GRM7: variants seen among roughly 807,000 people sequenced by gnomAD.
The protein encoded by GRM7 is glutamate metabotropic receptor 7, also known as metabotropic glutamate receptor 7.
GRM7 carries 35 observed loss-of-function variants against 84.5 expected under a neutral mutation model. The ratio of observed to expected loss-of-function variants is 0.41; its 90% CI spans 0.32 to 0.55. The LOEUF is 0.55. Among genes scored for constraint, GRM7 ranks in the 20% least tolerant of loss-of-function variants. The pLI is 0.19. For missense variants in GRM7, 1,003 were observed against 1,194.6 expected (o/e 0.84, Z 2.36); for synonymous variants, 487 against 455.1 (o/e 1.07, Z -0.89).
chr3:7,404,814 T>G (rs1308305544), intron 4 of GRM7, among the ~76,000 whole-genome samples: 1 of 151,982 alleles, frequency 6.6e-6, no homozygotes, highest in Non-Finnish European at 1.5e-5. Flanking sequence ...ATAATAATAA[T>G]GCAAACAAGA....
intron 4 of GRM7, among the ~76,000 whole-genome samples, chr3:7,390,035 G>C (rs1694930304): frequency 6.6e-6 from 1 of 152,038 alleles, no homozygotes; most frequent in South Asian, 2.1e-4. Flanking sequence ...AGCATCTCTT[G>C]TTGGATGGGT....
intron 1 of GRM7, among the ~76,000 whole-genome samples, chr3:6,959,129 T>C (rs921672629): frequency 1.3e-5 from 2 of 152,096 alleles, no homozygotes; most frequent in Non-Finnish European, 2.9e-5. Flanking sequence ...AAGGCTAAGC[T>C]CTCTCTACAC....
chr3:7,394,951 T>A (rs1575271095), intron 4 of GRM7, among the ~76,000 whole-genome samples: 1 of 150,542 alleles, frequency 6.6e-6, no homozygotes, highest in Non-Finnish European at 1.5e-5. Flanking sequence ...GGCAGGAGAG[T>A]TGCTTGAACC....
At chr3:6,968,643 T>G (rs1285221033) in intron 1 of GRM7, among the ~76,000 whole-genome samples, 1 of 152,248 alleles carries the variant, frequency 6.6e-6, no homozygotes, top group Admixed American at 6.5e-5. Flanking sequence ...TATCATTATT[T>G]ATTTTATGAT....
At chr3:6,979,648 A>T (rs188562383) in intron 1 of GRM7, among the ~76,000 whole-genome samples, 1 of 152,208 alleles carries the variant, frequency 6.6e-6, no homozygotes, top group Non-Finnish European at 1.5e-5. Context: ...ACAAAGGTCT[A>T]TTATTGATAT....
chr3:7,363,241 A>G (rs898058472), intron 4 of GRM7, among the ~76,000 whole-genome samples: 1 of 152,008 alleles, frequency 6.6e-6, no homozygotes, highest in African/African-American at 2.4e-5. Flanking sequence ...TATTTAAATA[A>G]CAGTCTATGT....
chr3:7,210,612 TAAAAG>T (rs1291434876), intron 2 of GRM7, among the ~76,000 whole-genome samples: 1 of 152,030 alleles, frequency 6.6e-6, no homozygotes, highest in African/African-American at 2.4e-5. Flanking sequence ...CCTTCAAAAA[TAAAAG>T]AAATGTTCAA....
chr3:7,172,623 A>G (rs1046053223), intron 2 of GRM7, among the ~76,000 whole-genome samples: 6 of 145,586 alleles, frequency 4.1e-5, no homozygotes, highest in African/African-American at 1.0e-4. Flanking sequence ...CATGGTGTCA[A>G]TGGCTATAAA....
chr3:7,294,944 C>T (rs1699763513), intron 2 of GRM7, among the ~76,000 whole-genome samples: 1 of 152,122 alleles, frequency 6.6e-6, no homozygotes, highest in Non-Finnish European at 1.5e-5. Context: ...TACTTTTAAC[C>T]AAGTGTCTGG....
At chr3:7,489,487 C>G (rs943284573) in intron 7 of GRM7, among the ~76,000 whole-genome samples, 18 of 152,130 alleles carry the variant, frequency 1.2e-4, no homozygotes, top group Non-Finnish European at 2.4e-4. Flanking sequence ...CCAGATCTGT[C>G]CATTTCAAAA....
At chr3:7,362,783 C>G (rs543847169) in intron 4 of GRM7, among the ~76,000 whole-genome samples, 8 of 152,186 alleles carry the variant, frequency 5.3e-5, no homozygotes, top group African/African-American at 1.9e-4. Flanking sequence ...CTGCCTGATA[C>G]TTGAGTAATA....
At chr3:7,215,440 G>T (rs896412817) in intron 2 of GRM7, among the ~76,000 whole-genome samples, 1 of 152,010 alleles carries the variant, frequency 6.6e-6, no homozygotes, top group Non-Finnish European at 1.5e-5. Flanking sequence ...GGAGGAGGGT[G>T]CATCACGAGG....
chr3:7,118,155 G>A (rs780604476), intron 1 of GRM7, among the ~76,000 whole-genome samples: 1 of 152,106 alleles, frequency 6.6e-6, no homozygotes, highest in Non-Finnish European at 1.5e-5. Flanking sequence ...GGAGGGCAAG[G>A]TGGGAGGATC....
intron 2 of GRM7, among the ~76,000 whole-genome samples, chr3:7,149,722 G>A (rs1485260141): frequency 6.6e-6 from 1 of 152,114 alleles, no homozygotes; most frequent in Non-Finnish European, 1.5e-5. Context: ...AACTTTTCAA[G>A]CCTAAACTTC....
At chr3:7,328,365 C>G (rs1002923368) in intron 4 of GRM7, among the ~76,000 whole-genome samples, 3 of 152,118 alleles carry the variant, frequency 2.0e-5, no homozygotes, top group Admixed American at 6.6e-5. Context: ...GCCCCCAAAC[C>G]ATTTCCAACC....
chr3:7,657,526 GAA>G (rs1329855774), intron 8 of GRM7, among the ~76,000 whole-genome samples: 1 of 152,124 alleles, frequency 6.6e-6, no homozygotes, highest in Non-Finnish European at 1.5e-5. Context: ...CACTGAAGAA[GAA>G]AAGAGTTATG....
intron 2 of GRM7, among the ~76,000 whole-genome samples, chr3:7,286,968 C>G (rs549428947): frequency 6.6e-6 from 1 of 152,108 alleles, no homozygotes; most frequent in South Asian, 2.1e-4. Context: ...TTAGATAGGA[C>G]TTTGGCTTTA....
Position 6,904,300 on chromosome 3 carries a change from G to A in GRM7, c.519+42393G>A, listed in dbSNP as rs1193786696. ...GAATTTTAGTTTCAGACACTGTGCA[G>A]GATTGTATTTATAGTATTTAGTAGA... On this transcript the variant is annotated intron_variant, in intron 1 of 9. Transcript: ENST00000357716. Among the ~76,000 whole-genome samples, 3 of 152,024 alleles carry A rather than the reference G, an allele frequency of 2.0e-5. No homozygotes were observed. In the South Asian group the frequency reaches 6.2e-4, roughly 32 times the overall value.
intron 1 of GRM7, among the ~76,000 whole-genome samples, chr3:6,949,883 T>C (rs1343868776): frequency 1.3e-5 from 2 of 152,260 alleles, no homozygotes; most frequent in Non-Finnish European, 2.9e-5. Context: ...CATGTAGTTC[T>C]TGTGCCGTGC....
Sources: gnomAD v4.1 joint callset for allele counts (sites outside exome capture counted in the v4.1 genomes callset) on GRCh38, gnomAD v4.1.1 for gene constraint, MANE v1.5 for transcripts, NCBI Gene and HGNC (gene_info 2026-07-23, HGNC 2026-07-21) for gene names.